Variants in TENM4 observed in about 807,000 individuals in gnomAD.
TENM4 encodes teneurin transmembrane protein 4, also known as teneurin-4.
TENM4 carries 82 observed loss-of-function variants against 243.3 expected under a neutral mutation model. The observed-to-expected ratio is 0.34, with a 90% CI of 0.28 to 0.40. The LOEUF is 0.40. Among genes scored for constraint, TENM4 ranks in the 10% least tolerant of loss-of-function variants. The pLI, the probability that TENM4 is intolerant of heterozygous loss-of-function variation, is 1.00. For synonymous variants in TENM4, 1,412 were observed against 1,456.3 expected (o/e 0.97, Z 0.69); for missense variants, 3,138 against 3,673.3 (o/e 0.85, Z 3.77).
At chr11:78,871,308 G>A (rs1344863496) in intron 9 of TENM4, among the ~76,000 whole-genome samples, 2 of 152,164 alleles carry the variant, frequency 1.3e-5, no homozygotes, top group African/African-American at 4.8e-5. Flanking sequence ...TCCTCATGGA[G>A]CTTGGTATTT....
intron 1 of TENM4, among the ~76,000 whole-genome samples, chr11:79,359,409 T>A (rs1465591129): frequency 6.6e-6 from 1 of 152,164 alleles, no homozygotes; most frequent in Non-Finnish European, 1.5e-5. Context: ...AATCTTTTTT[T>A]GAGATACACA....
At chr11:79,295,762 TGAAA>T (rs1301225507) in intron 2 of TENM4, among the ~76,000 whole-genome samples, 1 of 151,976 alleles carries the variant, frequency 6.6e-6, no homozygotes, top group East Asian at 1.9e-4. Context: ...TGAGCCAAGA[TGAAA>T]GAGTGATTGG....
Position 79,215,925 on chromosome 11 carries a change from A to G in TENM4, c.-264-16T>C. The G allele has an allele frequency of 1.1e-6, 1 of 940,034 alleles. No homozygotes were observed. The allele number at this position is 940,034 out of a possible 1,614,324, so 58.2% of individuals were successfully genotyped here. On this transcript the variant is annotated splice_polypyrimidine_tract_variant and intron_variant, in intron 2 of 33. Transcript: ENST00000278550. ...GGGATCTTTTCTGTTGAAGCAGAGA[A>G]CACAGATCCAACTGAGTGAGGTGGC...
At chr11:78,787,715 T>G (rs1043151246) in intron 15 of TENM4, among the ~76,000 whole-genome samples, 30 of 152,166 alleles carry the variant, frequency 2.0e-4, no homozygotes, top group South Asian at 8.3e-4. Context: ...TCTTTCAGCT[T>G]CCTGCTTCCT....
chr11:79,172,682 TGAGTCAGG>T (rs1863072184), intron 3 of TENM4, among the ~76,000 whole-genome samples: 1 of 149,144 alleles, frequency 6.7e-6, no homozygotes, highest in Non-Finnish European at 1.5e-5. Flanking sequence ...TTTTTTTTTT[TGAGTCAGG>T]GTCTCTATCT....
At chr11:79,299,195 C>T (rs150659327) in intron 1 of TENM4, among the ~76,000 whole-genome samples, 2,257 of 152,302 alleles carry the variant, frequency 0.015, 56 homozygotes, top group African/African-American at 0.051. Context: ...CCCTGCTACA[C>T]TTTGGGGAGC....
chr11:78,966,631 T>C (rs560169694), intron 6 of TENM4, among the ~76,000 whole-genome samples: 2 of 152,128 alleles, frequency 1.3e-5, no homozygotes, highest in Admixed American at 6.5e-5. Context: ...TCATTTCAAC[T>C]GGAGGAACTG....
chr11:79,172,690 G>GTTTTTTT, intron 3 of TENM4, among the ~76,000 whole-genome samples: 1 of 146,916 alleles, frequency 6.8e-6, no homozygotes, highest in Non-Finnish European at 1.5e-5. Context: ...TTTGAGTCAG[G>GTTTTTTT]GTCTCTATCT....
At chr11:79,130,078 C>G (rs540052345) in intron 4 of TENM4, among the ~76,000 whole-genome samples, 1 of 152,262 alleles carries the variant, frequency 6.6e-6, no homozygotes, top group South Asian at 2.1e-4. Context: ...GCAGACAACT[C>G]CCAGTACCAG....
intron 2 of TENM4, among the ~76,000 whole-genome samples, chr11:79,284,654 T>C (rs1389511287): frequency 6.6e-6 from 1 of 152,170 alleles, no homozygotes; most frequent in Non-Finnish European, 1.5e-5. Flanking sequence ...GTTTCTTAGA[T>C]GTGACACCAA....
chr11:78,912,403 C>T (rs865856944), intron 6 of TENM4, among the ~76,000 whole-genome samples: 4 of 152,172 alleles, frequency 2.6e-5, no homozygotes, highest in South Asian at 2.1e-4. Context: ...TACAGCCGCA[C>T]GCCACCATGC....
intron 4 of TENM4, among the ~76,000 whole-genome samples, chr11:79,131,182 C>T (rs910428440): frequency 2.0e-5 from 3 of 152,124 alleles, no homozygotes; most frequent in African/African-American, 7.2e-5. Context: ...ATACAAAAAA[C>T]ACCTGGAGAA....
At chr11:79,044,322 G>A (rs1859606823) in intron 6 of TENM4, among the ~76,000 whole-genome samples, 1 of 152,194 alleles carries the variant, frequency 6.6e-6, no homozygotes, top group Non-Finnish European at 1.5e-5. Flanking sequence ...TTGGCAAGAA[G>A]GTCAGGGCAC....
chr11:78,785,971 AT>A (rs1856926756), intron 16 of TENM4, among the ~76,000 whole-genome samples: 1 of 97,656 alleles, frequency 1.0e-5, no homozygotes, highest in East Asian at 2.0e-4. Context: ...CAGACCCTTC[AT>A]TTAAAAAAAA....
At chr11:78,821,910 C>T (rs1408252993) in intron 12 of TENM4, among the ~76,000 whole-genome samples, 1 of 152,094 alleles carries the variant, frequency 6.6e-6, no homozygotes, top group Non-Finnish European at 1.5e-5. Flanking sequence ...CATTGGGTTA[C>T]GTTCTGTTTA....
chr11:79,119,865 G>T (rs1043739692), intron 4 of TENM4, among the ~76,000 whole-genome samples: 5 of 152,176 alleles, frequency 3.3e-5, no homozygotes, highest in African/African-American at 1.2e-4. Context: ...GACTTGCAGG[G>T]CAGTGGCTGC....
chr11:79,302,854 A>C (rs974610470), intron 1 of TENM4, among the ~76,000 whole-genome samples: 3 of 152,182 alleles, frequency 2.0e-5, no homozygotes, highest in Admixed American at 6.5e-5. Flanking sequence ...CTCACCACAA[A>C]GCACCTTAGG....
chr11:78,935,310 C>T (rs997546484), intron 6 of TENM4, among the ~76,000 whole-genome samples: 1 of 151,974 alleles, frequency 6.6e-6, no homozygotes, highest in Non-Finnish European at 1.5e-5. Context: ...CGCGCCTGGC[C>T]GGAGGTATGC....
At chr11:79,062,077 TC>T (rs1860106059) in intron 6 of TENM4, among the ~76,000 whole-genome samples, 1 of 151,468 alleles carries the variant, frequency 6.6e-6, no homozygotes, top group African/African-American at 2.4e-5. Flanking sequence ...TTCTCCTGCC[TC>T]AGCCTCCTGA....
Sources: gnomAD v4.1 joint callset for allele counts (sites outside exome capture counted in the v4.1 genomes callset) on GRCh38, gnomAD v4.1.1 for gene constraint, MANE v1.5 for transcripts, NCBI Gene and HGNC (gene_info 2026-07-23, HGNC 2026-07-21) for gene names.